PDHA1: variants seen among roughly 807,000 people sequenced by gnomAD.
The protein encoded by PDHA1 is pyruvate dehydrogenase E1 subunit alpha 1.
PDHA1 carries 1 observed loss-of-function variant against 33.0 expected under a neutral mutation model. The ratio of observed to expected loss-of-function variants is 0.03; its 90% CI spans 0.01 to 0.14. PDHA1 has a LOEUF of 0.14. Ranked by LOEUF, PDHA1 falls within the 10% of genes least tolerant of loss-of-function variation. PDHA1 has a pLI of 1.00. For synonymous variants in PDHA1, 123 were observed against 119.2 expected, an observed-to-expected ratio of 1.03 and a Z score of -0.21; for missense variants, 168 against 325.1, an observed-to-expected ratio of 0.52 and a Z score of 3.72.
In PDHA1 at chrX:19,361,109, C is replaced by T. The variant is rs2063280423; in HGVS notation, c.*1456C>T. 9.5e-6 allele frequency: 4 copies of T among 422,754 alleles called. No individual in the cohort carries two copies. Among genetic ancestry groups the T allele is most frequent in the East Asian group, 3.9e-5 (1 of 25,580 alleles). 34.8% of individuals were successfully genotyped at this position (422,754 alleles called of 1,213,427 possible). On this transcript the variant is annotated 3_prime_UTR_variant, in exon 11 of 11. Transcript: ENST00000422285. The stretch of plus-strand genomic sequence containing the variant: ...CACGCTTGCCATGTGCCTCCACCCA[C>T]TCCCAGCCAGGCATTAATGGCAGGA...
At position 19,361,495 on chromosome X, in the gene PDHA1, T is replaced by G. The variant is rs1252052240; in HGVS notation, c.*1842T>G. 1 of 1,209,062 alleles carries G rather than the reference T, an allele frequency of 8.3e-7. No homozygotes were observed. Among genetic ancestry groups the G allele is most frequent in the Non-Finnish European group, 1.1e-6 (1 of 892,988 alleles). On this transcript the variant is annotated 3_prime_UTR_variant, in exon 11 of 11. Transcript: ENST00000422285. ...GAATTTCTTTGTTGTAAATTTACCT[T>G]TTCAATTGTCTTTGCATCAGCTCCT... is the stretch of plus-strand genomic sequence containing the variant.
chrX:19,355,179 C>T, intron 6 of PDHA1, 170 bp from the exon 7 acceptor site: 1 of 544,647 alleles, frequency 1.8e-6, no homozygotes, highest in Non-Finnish European at 3.2e-6. Context: ...CCTGCTACTT[C>T]TCCTCCACCA....
rs747988605 is a variant in PDHA1, at chrX:19,351,971, G to A, written c.418+564G>A. On this transcript the variant is annotated intron_variant, in intron 4 of 10. Coordinates refer to ENST00000422285, the MANE Select transcript of PDHA1 (RefSeq NM_000284.4). ...GCACCACCACACCTGGCTAATTTTT[G>A]TATTTTTAGTAGAGATGGGGTTTCA... Among the ~76,000 whole-genome samples, 5 of 109,030 alleles carry A rather than the reference G, an allele frequency of 4.6e-5. No homozygotes were observed. The South Asian group carries it at 2.0e-3, about 43-fold the overall frequency. The allele number at this position is 109,030 out of a possible 115,157, so 94.7% of individuals were successfully genotyped here.
Position 19,360,950 on chromosome X carries a change from G to A in PDHA1, c.*1297G>A, listed in dbSNP as rs778678656. On this transcript the variant is annotated 3_prime_UTR_variant, in exon 11 of 11. Transcript: ENST00000422285. The stretch of plus-strand genomic sequence containing the variant: ...AAAAACATTCTCCTCACATATGGAG[G>A]TGACGCTCGTGTCCCAGCAGTAGTA... 492 of 509,597 alleles carry A rather than the reference G, an allele frequency of 9.7e-4. 2 individuals are homozygous for A. Among genetic ancestry groups the A allele is most frequent in the Non-Finnish European group, 1.2e-3 (370 of 313,642 alleles). 42.0% of individuals were successfully genotyped at this position (509,597 alleles called of 1,213,427 possible). A position where few individuals can be genotyped will look rare whatever the true frequency, so the allele number is the denominator to read the frequency against.
rs1361487756 is a variant in PDHA1 at position 19,360,661 on chromosome X, C to T, written c.*1008C>T. 1 of 684,710 alleles carries T rather than the reference C, an allele frequency of 1.5e-6. No homozygotes were observed. The highest frequency in any genetic ancestry group is 2.8e-5 in the Admixed American group (1 of 35,313). The allele number at this position is 684,710 out of a possible 1,213,427, so 56.4% of individuals were successfully genotyped here. ...ACAATGGCATTTTTAAATATGTAAACACAGCGGAATTCGTGTATACACTAA... is the reference window on the plus strand; with the variant it reads ...ACAATGGCATTTTTAAATATGTAAATACAGCGGAATTCGTGTATACACTAA... On this transcript the variant is annotated 3_prime_UTR_variant, in exon 11 of 11. Transcript: ENST00000422285.
chrX:19,361,364 C>G lies in PDHA1; in HGVS notation c.*1711C>G. 1 of 1,207,915 alleles carries G rather than the reference C, an allele frequency of 8.3e-7. No homozygotes were observed. Among genetic ancestry groups the G allele is most frequent in the Non-Finnish European group, 1.1e-6 (1 of 892,315 alleles). On this transcript the variant is annotated 3_prime_UTR_variant, in exon 11 of 11. Transcript: ENST00000422285. ...CGTAGTCGAAGGTATCTTAGATCTT[C>G]CTTAGTGATCTCATTAAGAATATCC...
At chrX:19,344,219 T>G (rs1214584439) in intron 1 of PDHA1, 125 bp downstream of exon 1, 1 of 560,044 alleles carries the variant, frequency 1.8e-6, no homozygotes, top group Non-Finnish European at 2.8e-6. Flanking sequence ...GGGGAGCCTT[T>G]ACTTCGCCTC....
rs751604605 is a variant in PDHA1 at position 19,357,728 on chromosome X, A to G, written c.899+9A>G. On this transcript the variant is annotated intron_variant, in intron 9 of 10. Transcript: ENST00000422285. ...AGTGACCCTGGAGTCAGGTACGCTCATGGGCAGTGTGGTTTCCATAGGGGT... is the reference window on the plus strand; with the variant it reads ...AGTGACCCTGGAGTCAGGTACGCTCGTGGGCAGTGTGGTTTCCATAGGGGT... The G allele has an allele frequency of 3.4e-6, 4 of 1,185,716 alleles. No homozygotes were observed. The East Asian group carries it at 8.9e-5, about 26-fold the overall frequency.
intron 10 of PDHA1, among the ~76,000 whole-genome samples, 180 bp downstream of exon 10, chrX:19,359,204 A>AT (rs1434435623): frequency 9.0e-6 from 1 of 111,339 alleles, no homozygotes; most frequent in Non-Finnish European, 1.9e-5. Context: ...TCTATTCAAA[A>AT]TTGTATTACT....
chrX:19,349,945 C>T lies in PDHA1; in HGVS notation c.126C>T (p.Asp42=). Residue 42 remains aspartate (D), a synonymous_variant, in exon 3 of 11, where the codon GAC becomes GAT. Transcript: ENST00000422285. ...NDATFEIKKC[D]LHRLEEGPPV... is the part of the protein sequence containing the mutation. ...ACCTTATTCCATTTCAGAAATGTGA[C>T]CTTCACCGGCTGGAAGAAGGCCCTC... 5 of 1,206,947 alleles carry T rather than the reference C, an allele frequency of 4.1e-6. No homozygotes were observed. Among genetic ancestry groups the T allele is most frequent in the Non-Finnish European group, 5.6e-6 (5 of 890,993 alleles).
intron 8 of PDHA1, among the ~76,000 whole-genome samples, chrX:19,356,291 C>G (rs1392467719): frequency 9.0e-6 from 1 of 111,220 alleles, no homozygotes; most frequent in Non-Finnish European, 1.9e-5. Flanking sequence ...TCCTTTGGCA[C>G]TAGTATAGGC....
rs773249692 is a variant in PDHA1, at chrX:19,359,954, T to C, written c.*301T>C. On this transcript the variant is annotated 3_prime_UTR_variant, in exon 11 of 11. Transcript: ENST00000422285. ...GTTTCCCCTGCCCCCAGCCACCTTTTTGGGAGGAGACCATTATGGCGGGGC... is the reference window on the plus strand; with the variant it reads ...GTTTCCCCTGCCCCCAGCCACCTTTCTGGGAGGAGACCATTATGGCGGGGC... 21 of 319,880 alleles carry C rather than the reference T, an allele frequency of 6.6e-5. No individual in the cohort carries two copies. The highest frequency in any genetic ancestry group is 5.9e-4 in the South Asian group (17 of 28,746). The allele number at this position is 319,880 out of a possible 1,213,427, so 26.4% of individuals were successfully genotyped here. A position where few individuals can be genotyped will look rare whatever the true frequency, so the allele number is the denominator to read the frequency against.
chrX:19,356,328 A>AAC (rs1569192084), intron 8 of PDHA1, among the ~76,000 whole-genome samples: 1 of 111,174 alleles, frequency 9.0e-6, no homozygotes, highest in African/African-American at 3.3e-5. Context: ...TTCTCCCTAA[A>AAC]TCAGTGTTCT....
intron 4 of PDHA1, chrX:19,352,712 T>C (rs1460406940): frequency 8.5e-6 from 2 of 236,068 alleles, no homozygotes; most frequent in Non-Finnish European, 1.6e-5. Flanking sequence ...AAAAAATCTG[T>C]GTATAAGTGT....
intron 9 of PDHA1, 30 bp from the exon 10 acceptor site, chrX:19,358,886 T>C: frequency 1.2e-6 from 1 of 867,798 alleles, no homozygotes. Context: ...CTGCTCTTAC[T>C]GATCGATTAC....
chrX:19,353,034 T>C (rs1220659850), intron 4 of PDHA1, 48 bp from the exon 5 acceptor site: 18 of 1,053,518 alleles, frequency 1.7e-5, no homozygotes, highest in African/African-American at 5.5e-5. Flanking sequence ...TTGGTTTGCT[T>C]TGTAGAGTTG....
intron 9 of PDHA1, 77 bp downstream of exon 9, chrX:19,357,796 T>C: frequency 2.5e-6 from 2 of 808,401 alleles, no homozygotes; most frequent in East Asian, 6.3e-5. Flanking sequence ...CACATTTCAG[T>C]ATTTGCTTTT....
rs1261065114 is a variant in PDHA1, at chrX:19,353,376, A to C, written c.510+203A>C. On this transcript the variant is annotated intron_variant, in intron 5 of 10. Coordinates refer to ENST00000422285, the MANE Select transcript of PDHA1 (RefSeq NM_000284.4). Reference sequence around the variant, plus strand: ...AATTCCTGTCGCCTAGTGATGTTGTAGTGGCACAACACATTACCTTTTCTA... The same window carrying C: ...AATTCCTGTCGCCTAGTGATGTTGTCGTGGCACAACACATTACCTTTTCTA... 7 of 466,515 alleles carry C rather than the reference A, an allele frequency of 1.5e-5. No homozygotes were observed. The Admixed American group carries it at 1.9e-4, about 13-fold the overall frequency. 38.4% of individuals were successfully genotyped at this position (466,515 alleles called of 1,213,427 possible). A position where few individuals can be genotyped will look rare whatever the true frequency, so the allele number is the denominator to read the frequency against.
chrX:19,360,860 G>GAGTC lies in PDHA1; in HGVS notation c.*1211_*1214dup. 2 of 1,110,298 alleles carry GAGTC rather than the reference G, an allele frequency of 1.8e-6. No homozygotes were observed. The highest frequency in any genetic ancestry group is 1.2e-6 in the Non-Finnish European group (1 of 817,355). The allele number at this position is 1,110,298 out of a possible 1,213,427, so 91.5% of individuals were successfully genotyped here. On this transcript the variant is annotated 3_prime_UTR_variant, in exon 11 of 11. Transcript: ENST00000422285. ...TGGGAAACAAACACAGCTGTCTTCA[G>GAGTC]AGTCAGTGCTTCAAGCCAACAGAGC...
Sources: gnomAD v4.1 joint callset for allele counts (sites outside exome capture counted in the v4.1 genomes callset) on GRCh38, gnomAD v4.1.1 for gene constraint, MANE v1.5 for transcripts, NCBI Gene and HGNC (gene_info 2026-07-23, HGNC 2026-07-21) for gene names.